The following KIF19 variants were observed in gnomAD, a reference collection of about 807,000 sequenced individuals.
KIF19 encodes the protein kinesin-like protein KIF19.
KIF19 carries 98 observed loss-of-function variants against 106.6 expected under a neutral mutation model. The observed-to-expected ratio is 0.92, with a 90% CI of 0.78 to 1.09. The LOEUF (loss-of-function observed/expected upper bound fraction) is 1.09. Ranked by LOEUF, KIF19 falls within the 50% of genes least tolerant of loss-of-function variation. The pLI is 0.00. For synonymous variants in KIF19, 516 were observed against 584.2 expected, an observed-to-expected ratio of 0.88 and a Z score of 1.68; for missense variants, 1,373 against 1,414.3, an observed-to-expected ratio of 0.97 and a Z score of 0.47.
rs185162514 is a variant in KIF19 at position 74,333,489 on chromosome 17, A to G, written c.120+4984A>G. 4.1e-3 allele frequency among the ~76,000 whole-genome samples: 615 copies of G among 151,452 alleles called. 4 individuals carry two copies. Among genetic ancestry groups the G allele is most frequent in the African/African-American group, 0.015 (601 of 41,202 alleles). ...GTGAGTCTTCTGTCTCAGTCTCCCA[A>G]GTAGCTGGGATTACAGGTGTGTGCC... is the stretch of plus-strand genomic sequence containing the variant. On this transcript the variant is annotated intron_variant, in intron 2 of 19. Transcript: ENST00000389916.
intron 18 of KIF19, 100 bp from the exon 19 acceptor site, chr17:74,354,682 C>T: frequency 6.6e-7 from 1 of 1,522,698 alleles, no homozygotes; most frequent in Non-Finnish European, 8.8e-7. Flanking sequence ...GCACCACCCT[C>T]CACAGTCTCT....
chr17:74,341,009 G>T (rs2054357388), intron 2 of KIF19, among the ~76,000 whole-genome samples: 1 of 152,220 alleles, frequency 6.6e-6, no homozygotes, highest in Non-Finnish European at 1.5e-5. Flanking sequence ...GTCATAGCTG[G>T]CCTTAGCCTG....
chr17:74,326,680 C>A (rs920981787), intron 1 of KIF19, among the ~76,000 whole-genome samples: 1 of 152,150 alleles, frequency 6.6e-6, no homozygotes, highest in East Asian at 1.9e-4. Flanking sequence ...AGATGAATCT[C>A]GGCTCTCTCA....
At chr17:74,354,738 C>T in intron 18 of KIF19, 44 bp from the exon 19 acceptor site, 1 of 1,539,632 alleles carries the variant, frequency 6.5e-7, no homozygotes. Flanking sequence ...GGTAGCAGAT[C>T]CCTGTGCCGC....
At chr17:74,333,276 C>G (rs1260894481) in intron 2 of KIF19, among the ~76,000 whole-genome samples, 3 of 152,204 alleles carry the variant, frequency 2.0e-5, no homozygotes, top group Non-Finnish European at 4.4e-5. Flanking sequence ...CTCCCAGCCC[C>G]AGGCAGCCAC....
chr17:74,345,922 C>T (rs997574623), intron 7 of KIF19, among the ~76,000 whole-genome samples: 1 of 152,154 alleles, frequency 6.6e-6, no homozygotes, highest in Non-Finnish European at 1.5e-5. Flanking sequence ...CAGGCAGGGC[C>T]TCCTCGGCTT....
Position 74,353,190 on chromosome 17 carries a change from C to T in KIF19, c.2115-6C>T, listed in dbSNP as rs747593029. 1 of 1,578,084 alleles carries T rather than the reference C, an allele frequency of 6.3e-7. No homozygotes were observed. The highest frequency in any genetic ancestry group is 8.6e-7 in the Non-Finnish European group (1 of 1,161,822). ...ACAGCCACTCATCTTCCTCTGCCAA[C>T]TTCAGTGAAGGCCACCACGTGTTCA... On this transcript the variant is annotated splice_polypyrimidine_tract_variant and splice_region_variant and intron_variant, in intron 15 of 19. Coordinates refer to ENST00000389916, the MANE Select transcript of KIF19 (RefSeq NM_153209.4).
chr17:74,347,062 A>C (rs1157304428), intron 8 of KIF19, among the ~76,000 whole-genome samples: 1 of 152,198 alleles, frequency 6.6e-6, no homozygotes, highest in Non-Finnish European at 1.5e-5. Context: ...ACTGAGGCAC[A>C]ACTCAGTTAG....
At position 74,346,569 on chromosome 17, in the gene KIF19, G is replaced by A. The variant is rs1249366412; in HGVS notation, c.924+45G>A. 5.9e-6 allele frequency: 9 copies of A among 1,527,476 alleles called. No individual in the cohort carries two copies. The East Asian group carries it at 2.0e-4, about 34-fold the overall frequency. 94.6% of individuals were successfully genotyped at this position (1,527,476 alleles called of 1,614,324 possible). On this transcript the variant is annotated intron_variant, in intron 8 of 19. Transcript: ENST00000389916. This position sits in a 1 kb window ranked among gnomAD's most constrained non-coding sequence, Gnocchi z 4.6. ...CTGGGCACTGGGCACCAAGGGTGAG[G>A]CTGCCAGATTAAACAAATGAAAATA...
chr17:74,353,233 T>C lies in KIF19; in HGVS notation c.2152T>C (p.Trp718Arg). The change falls in exon 16 of 20, where the codon TGG (tryptophan) becomes CGG (arginine). Residue 718 changes from tryptophan to arginine, a missense_variant. Trp to Arg is a moderately radical substitution (Grantham distance 101, BLOSUM62 -3). Coordinates refer to ENST00000389916, the MANE Select transcript of KIF19 (RefSeq NM_153209.4). ...HHVFKAGTGA[W>R]QAKSSSVPTP... ...CGTGTTCAAGGCTGGTACTGGGGCC[T>C]GGCAGGCAAAAAGCTCCTCTGTGCC... 1 of 1,588,796 alleles carries C rather than the reference T, an allele frequency of 6.3e-7. No homozygotes were observed. Among genetic ancestry groups the C allele is most frequent in the Non-Finnish European group, 8.6e-7 (1 of 1,168,044 alleles).
intron 2 of KIF19, among the ~76,000 whole-genome samples, chr17:74,332,633 A>G (rs2054125879): frequency 6.6e-6 from 1 of 152,136 alleles, no homozygotes; most frequent in Non-Finnish European, 1.5e-5. Flanking sequence ...GGCTCCCACC[A>G]GGCCTAGCTG....
In KIF19 at chr17:74,354,775, A is replaced by G; in HGVS notation, c.2707-7A>G. On this transcript the variant is annotated splice_region_variant and splice_polypyrimidine_tract_variant and intron_variant, in intron 18 of 19. Transcript: ENST00000389916. Reference sequence around the variant, plus strand: ...CTCGGCCTCACCCCACTGTTCAACCATCACAGCTCTCCCACCCCAAGACAC... The same window carrying G: ...CTCGGCCTCACCCCACTGTTCAACCGTCACAGCTCTCCCACCCCAAGACAC... 1.9e-6 allele frequency: 3 copies of G among 1,553,734 alleles called. No individual in the cohort carries two copies. Among genetic ancestry groups the G allele is most frequent in the South Asian group, 1.2e-5 (1 of 84,220 alleles).
rs940062319 is a variant in KIF19, at chr17:74,349,216, C to T, written c.1080C>T (p.His360=). 15 of 1,613,766 alleles carry T rather than the reference C, an allele frequency of 9.3e-6. No individual in the cohort carries two copies. Among genetic ancestry groups the T allele is most frequent in the African/African-American group, 1.3e-5 (1 of 74,956 alleles). Residue 360 remains histidine (H), a synonymous_variant, in exon 10 of 20, where the codon CAC becomes CAT. Coordinates refer to ENST00000389916, the MANE Select transcript of KIF19 (RefSeq NM_153209.4). ...AGAACCTCCTGAACGTCTCCTACCA[C>T]ATCGCCCAGTACACCAGCATCATCG... ...VKQNLLNVSY[H]IAQYTSIIAD...
At chr17:74,355,000 G>A in intron 19 of KIF19, 59 bp downstream of exon 19, 1 of 1,558,324 alleles carries the variant, frequency 6.4e-7, no homozygotes. Context: ...GGGGAGCAGA[G>A]AAGACACATT....
At chr17:74,328,615 C>G in intron 2 of KIF19, 110 bp downstream of exon 2, 1 of 818,550 alleles carries the variant, frequency 1.2e-6, no homozygotes, top group South Asian at 1.6e-5. Flanking sequence ...CCTCCTTCCT[C>G]TACTCACTGA....
At chr17:74,349,372 G>C (rs758868800) in intron 10 of KIF19, 23 bp downstream of exon 10, 7 of 1,567,592 alleles carry the variant, frequency 4.5e-6, no homozygotes, top group Non-Finnish European at 6.0e-6. Flanking sequence ...GTCTGTGTGA[G>C]TGGCAGCCCC....
intron 10 of KIF19, among the ~76,000 whole-genome samples, 172 bp from the exon 11 acceptor site, chr17:74,350,229 G>T (rs1598395613): frequency 6.6e-6 from 1 of 152,340 alleles, no homozygotes; most frequent in East Asian, 1.9e-4. Flanking sequence ...CAATGTGGGA[G>T]TGGGGTCTGG....
chr17:74,348,030 A>G, intron 9 of KIF19, 131 bp downstream of exon 9: 1 of 1,121,128 alleles, frequency 8.9e-7, no homozygotes, highest in Non-Finnish European at 1.3e-6. Context: ...TCCCTAGTTG[A>G]TCGTCACCTG....
Position 74,349,167 on chromosome 17 carries a change from A to G in KIF19, c.1048-17A>G. The G allele has an allele frequency of 1.2e-6, 2 of 1,613,646 alleles. No homozygotes were observed. The highest frequency in any genetic ancestry group is 8.5e-7 in the Non-Finnish European group (1 of 1,179,818). Reference sequence around the variant, plus strand: ...GGGGTGACTGCATCCCCTCCGCTCCATACGTGTTCCCTGCAGGTGAAGCAG... The same window carrying G: ...GGGGTGACTGCATCCCCTCCGCTCCGTACGTGTTCCCTGCAGGTGAAGCAG... On this transcript the variant is annotated splice_polypyrimidine_tract_variant and intron_variant, in intron 9 of 19. Transcript: ENST00000389916.
Sources: gnomAD v4.1 joint callset for allele counts (sites outside exome capture counted in the v4.1 genomes callset) on GRCh38, gnomAD v4.1.1 for gene constraint, Gnocchi (gnomAD v3.1) non-coding constraint, MANE v1.5 for transcripts, NCBI Gene and HGNC (gene_info 2026-07-23, HGNC 2026-07-21) for gene names.